The following DGKG variants were observed in gnomAD, a reference collection of about 807,000 sequenced individuals.
DGKG encodes the protein DAG kinase gamma.
DGKG carries 78 observed loss-of-function variants against 105.3 expected under a neutral mutation model. That is an observed-to-expected ratio of 0.74 (90% confidence interval 0.62 to 0.89). The LOEUF (loss-of-function observed/expected upper bound fraction) is 0.89, where lower values mean the gene tolerates loss of function less well. Ranked by LOEUF, DGKG falls within the 40% of genes least tolerant of loss-of-function variation. The pLI, the probability that DGKG is intolerant of heterozygous loss-of-function variation, is 0.00. For synonymous variants in DGKG, 346 were observed against 367.1 expected (o/e 0.94, Z 0.66); for missense variants, 958 against 1,020.1 (o/e 0.94, Z 0.83).
chr3:186,308,674 T>C (rs143652444), intron 2 of DGKG, among the ~76,000 whole-genome samples: 4 of 152,318 alleles, frequency 2.6e-5, no homozygotes, highest in African/African-American at 9.6e-5. Context: ...GAAATTTCTT[T>C]CTGAAATTCA....
intron 24 of DGKG, among the ~76,000 whole-genome samples, chr3:186,152,205 A>T (rs960573080): frequency 4.6e-5 from 7 of 152,246 alleles, no homozygotes; most frequent in Non-Finnish European, 2.9e-5. Flanking sequence ...GGCTTCCACC[A>T]GCCCAGAGAC....
intron 1 of DGKG, among the ~76,000 whole-genome samples, chr3:186,323,425 G>A (rs79549499): frequency 0.075 from 11,332 of 152,074 alleles, 1,377 homozygotes; most frequent in African/African-American, 0.26. Context: ...CCTGTTTTGC[G>A]GATGAGAAAA....
At chr3:186,280,059 C>T (rs1578769575) in intron 8 of DGKG, 86 bp from the exon 9 acceptor site, 1 of 1,545,322 alleles carries the variant, frequency 6.5e-7, no homozygotes, top group Non-Finnish European at 8.9e-7. Context: ...GTTCATCTTG[C>T]ATTATCTGGT....
At chr3:186,186,009 A>G (rs1483800374) in intron 22 of DGKG, among the ~76,000 whole-genome samples, 1 of 150,288 alleles carries the variant, frequency 6.7e-6, no homozygotes, top group Non-Finnish European at 1.5e-5. Context: ...GAGGCATGAG[A>G]ATCACTTGAA....
intron 21 of DGKG, chr3:186,207,441 C>G (rs1718801176): frequency 1.0e-6 from 1 of 985,136 alleles, no homozygotes; most frequent in African/African-American, 1.7e-5. Flanking sequence ...CAGCCTGTGT[C>G]CCCCTTCTCT....
At chr3:186,244,501 T>C (rs1720843527) in intron 19 of DGKG, among the ~76,000 whole-genome samples, 1 of 151,610 alleles carries the variant, frequency 6.6e-6, no homozygotes, top group South Asian at 2.1e-4. Context: ...ACCTCCCAGG[T>C]TCCAGAGATT....
intron 3 of DGKG, among the ~76,000 whole-genome samples, chr3:186,299,641 T>G (rs185145120): frequency 1.6e-4 from 25 of 152,302 alleles, no homozygotes; most frequent in African/African-American, 5.8e-4. Flanking sequence ...ACACTCTTTC[T>G]GTCTCTCTCT....
chr3:186,161,207 ACG>A, intron 24 of DGKG: 1 of 993,422 alleles, frequency 1.0e-6, no homozygotes, highest in Non-Finnish European at 1.2e-6. Flanking sequence ...TTTGGCTTCC[ACG>A]TAAGGAAGCA....
intron 3 of DGKG, among the ~76,000 whole-genome samples, chr3:186,302,518 ATATATATATATATACATATG>A (rs1287608584): frequency 7.5e-4 from 46 of 61,346 alleles, no homozygotes; most frequent in South Asian, 3.4e-3. Flanking sequence ...ATATGTGTAT[ATATATATATATATACATATG>A]TATATATATA....
chr3:186,361,516 C>A lies in DGKG; in HGVS notation c.-249+430G>T, dbSNP rs537029844. On this transcript the variant is annotated intron_variant, in intron 1 of 24. Transcript: ENST00000265022. The surrounding 1 kb of genome is among the most constrained non-coding windows in gnomAD (Gnocchi z 6.8). ...AAGTCCTAGAACCCCGCGGGACGGT[C>A]GGAGGCTTTGGCGGCCAGACATTAG... Among the ~76,000 whole-genome samples, 12 of 152,306 alleles carry A rather than the reference C, an allele frequency of 7.9e-5. No homozygotes were observed. In the East Asian group the frequency reaches 1.9e-3, roughly 25 times the overall value.
chr3:186,347,088 C>A (rs1255189190), intron 1 of DGKG, among the ~76,000 whole-genome samples: 2 of 151,970 alleles, frequency 1.3e-5, no homozygotes, highest in African/African-American at 4.8e-5. Flanking sequence ...CCTTTCTCTC[C>A]CATTTTGTTT....
chr3:186,180,480 G>C (rs1427780154), intron 22 of DGKG, among the ~76,000 whole-genome samples: 1 of 152,170 alleles, frequency 6.6e-6, no homozygotes. Flanking sequence ...GGGGTCACCT[G>C]TCTTGCTCTG....
intron 20 of DGKG, among the ~76,000 whole-genome samples, chr3:186,222,025 C>T (rs1263302528): frequency 2.0e-5 from 3 of 152,170 alleles, no homozygotes; most frequent in Non-Finnish European, 4.4e-5. Flanking sequence ...CACGTCTACC[C>T]CCTGCGGTAG....
chr3:186,356,123 G>A (rs1414880084), intron 1 of DGKG, among the ~76,000 whole-genome samples: 1 of 152,204 alleles, frequency 6.6e-6, no homozygotes, highest in Non-Finnish European at 1.5e-5. Context: ...AGTACAGAAA[G>A]CTGAATAAAT....
rs750388721 is a variant in DGKG at position 186,272,277 on chromosome 3, G to A, written c.977C>T (p.Ser326Leu). Residue 326 changes from serine (S) to leucine (L), a missense_variant, in exon 11 of 25, where the codon TCA becomes TTA. By Grantham distance (145) the Ser-to-Leu change is moderately radical. Transcript: ENST00000265022. ...RNIPGCVKTY[S>L]KAKRSGEVMQ... ...AACCTCACCACTCCTTTTGGCTTTT[G>A]AGTACGTTTTGACACAACCAGGAAT... 3 of 1,613,832 alleles carry A rather than the reference G, an allele frequency of 1.9e-6. No individual in the cohort carries two copies. Among genetic ancestry groups the A allele is most frequent in the Non-Finnish European group, 1.7e-6 (2 of 1,179,750 alleles).
intron 4 of DGKG, among the ~76,000 whole-genome samples, chr3:186,297,715 C>T (rs1290003441): frequency 6.6e-6 from 1 of 152,198 alleles, no homozygotes; most frequent in African/African-American, 2.4e-5. Flanking sequence ...CACTTCCAAG[C>T]TAGTCCCAGC....
At chr3:186,152,828 T>C (rs1715830746) in intron 24 of DGKG, among the ~76,000 whole-genome samples, 1 of 152,114 alleles carries the variant, frequency 6.6e-6, no homozygotes, top group Admixed American at 6.5e-5. Flanking sequence ...CATGCCTGGC[T>C]AATTTTTTTA....
At chr3:186,324,744 T>A (rs1398655289) in intron 1 of DGKG, among the ~76,000 whole-genome samples, 1 of 152,260 alleles carries the variant, frequency 6.6e-6, no homozygotes. Flanking sequence ...CTGGTGGGAA[T>A]GTAAATTAGT....
At chr3:186,297,062 T>TCACACACA (rs1491170428) in intron 5 of DGKG, among the ~76,000 whole-genome samples, 1,335 of 26,706 alleles carry the variant, frequency 0.05, 29 homozygotes, top group African/African-American at 0.1. Flanking sequence ...TGTCTGTCTG[T>TCACACACA]CTCTCTCACA....
Sources: gnomAD v4.1 joint callset for allele counts (sites outside exome capture counted in the v4.1 genomes callset) on GRCh38, gnomAD v4.1.1 for gene constraint, Gnocchi (gnomAD v3.1) non-coding constraint, MANE v1.5 for transcripts, NCBI Gene and HGNC (gene_info 2026-07-23, HGNC 2026-07-21) for gene names.